Variants in SLC39A14 observed in about 807,000 individuals in gnomAD.
SLC39A14 encodes the protein metal cation symporter ZIP14.
In SLC39A14, 19 loss-of-function variants were observed where a neutral mutation model predicts 45.5. The ratio of observed to expected loss-of-function variants is 0.42; its 90% CI spans 0.29 to 0.61. The LOEUF (loss-of-function observed/expected upper bound fraction) is 0.61, where lower values mean the gene tolerates loss of function less well. Among genes scored for constraint, SLC39A14 ranks in the 20% least tolerant of loss-of-function variants. The probability of loss-of-function intolerance (pLI) is 0.22; values close to 1 mark genes in which losing one functional copy is unlikely to be tolerated. For synonymous variants in SLC39A14, 264 were observed against 251.3 expected, an observed-to-expected ratio of 1.05 and a Z score of -0.48; for missense variants, 447 against 616.5, an observed-to-expected ratio of 0.73 and a Z score of 2.91.
At chr8:22,430,977 A>T (rs1586764476) in intron 8 of SLC39A14, among the ~76,000 whole-genome samples, 2 of 123,466 alleles carry the variant, frequency 1.6e-5, no homozygotes, top group East Asian at 5.1e-4. Flanking sequence ...CCGGTCTGGG[A>T]CTCCCAATTC....
rs1051942787 is a variant in SLC39A14 at position 22,404,408 on chromosome 8, C to T, written c.-15-288C>T. ...CGCCACTGCACTCCAGCCTGGGCAA[C>T]GAGTGAATCTCCCGTCTCAAAAAAA... On this transcript the variant is annotated intron_variant, in intron 1 of 8. Coordinates refer to ENST00000381237, the MANE Select transcript of SLC39A14 (RefSeq NM_001128431.4). 11 of 250,548 alleles carry T rather than the reference C, an allele frequency of 4.4e-5. No homozygotes were observed. In the Admixed American group the frequency reaches 4.4e-4, roughly 10 times the overall value. 15.5% of individuals were successfully genotyped at this position (250,548 alleles called of 1,614,324 possible).
chr8:22,412,017 G>A lies in SLC39A14; in HGVS notation c.458-20G>A, dbSNP rs1267856653. 37 of 1,545,302 alleles carry A rather than the reference G, an allele frequency of 2.4e-5. No homozygotes were observed. Among genetic ancestry groups the A allele is most frequent in the African/African-American group, 4.1e-5 (3 of 72,998 alleles). ...TCTCTCCCTGCCCTGGGTGGGGCTG[G>A]CCCTCCCTCCGCACGGCAGTGTGGG... On this transcript the variant is annotated intron_variant, in intron 3 of 8. Coordinates refer to ENST00000381237, the MANE Select transcript of SLC39A14 (RefSeq NM_001128431.4).
intron 1 of SLC39A14, among the ~76,000 whole-genome samples, chr8:22,380,921 C>T (rs1427557789): frequency 6.6e-6 from 1 of 152,076 alleles, no homozygotes; most frequent in East Asian, 1.9e-4. Context: ...ACACAATCCA[C>T]CCCCTTGGCC....
intron 2 of SLC39A14, 93 bp from the exon 3 acceptor site, chr8:22,408,217 T>G: frequency 8.6e-7 from 1 of 1,158,142 alleles, no homozygotes; most frequent in Non-Finnish European, 1.2e-6. Flanking sequence ...TGTCTTCTCT[T>G]TTTCCTCTGG....
In SLC39A14 at chr8:22,415,903, C is replaced by T. The variant is rs576951128; in HGVS notation, c.885C>T (p.Asp295=). The change falls in exon 6 of 9, where the codon GAC becomes GAT. Residue 295 remains aspartate (D), a synonymous_variant. Transcript: ENST00000381237. ...MIPQHCSSEL[D]GKAPMVDEKV... is the part of the protein sequence containing the mutation. The stretch of plus-strand genomic sequence containing the variant: ...CTCAGCACTGCAGCAGTGAGCTGGA[C>T]GGCAAGGCGCCCATGGTGGACGAGA... 133 of 1,610,708 alleles carry T rather than the reference C, an allele frequency of 8.3e-5. 1 individual carries two copies. The highest frequency in any genetic ancestry group is 4.3e-4 in the African/African-American group (32 of 74,802).
rs140021415 is a variant in SLC39A14, at chr8:22,417,898, T to G, written c.1332+63T>G. Reference sequence around the variant, plus strand: ...AAGGGGATGGATGTTAGGTAGGTAGTTTTTTTTTATTTTTATTTTTTTGAG... The same window carrying G: ...AAGGGGATGGATGTTAGGTAGGTAGGTTTTTTTTATTTTTATTTTTTTGAG... On this transcript the variant is annotated intron_variant, in intron 8 of 8. Coordinates refer to ENST00000381237, the MANE Select transcript of SLC39A14 (RefSeq NM_001128431.4). 13,156 of 1,326,566 alleles carry G rather than the reference T, an allele frequency of 9.9e-3. 90 individuals are homozygous for G. The highest frequency in any genetic ancestry group is 0.017 in the Middle Eastern group (65 of 3,856). 82.2% of individuals were successfully genotyped at this position (1,326,566 alleles called of 1,614,324 possible).
At position 22,421,624 on chromosome 8, in the gene SLC39A14, C is replaced by T; in HGVS notation, c.*1926C>T. ...TTTCTGTTTTATTTTTCTCAAGCTG[C>T]TTTCAGGAGCTAGCAGAAAATAACT... is the stretch of plus-strand genomic sequence containing the variant. On this transcript the variant is annotated 3_prime_UTR_variant, in exon 9 of 9. Transcript: ENST00000381237. 1.0e-6 allele frequency: 1 copy of T among 985,778 alleles called. No individual in the cohort carries two copies. The highest frequency in any genetic ancestry group is 4.7e-5 in the South Asian group (1 of 21,286). The allele number at this position is 985,778 out of a possible 1,614,324, so 61.1% of individuals were successfully genotyped here.
At chr8:22,433,149 T>C (rs1429555681) in intron 8 of SLC39A14, among the ~76,000 whole-genome samples, 1 of 151,904 alleles carries the variant, frequency 6.6e-6, no homozygotes, top group Non-Finnish European at 1.5e-5. Context: ...CCACAGAAAA[T>C]TGGAAAGATA....
chr8:22,368,626 T>C (rs1484349925), intron 1 of SLC39A14, among the ~76,000 whole-genome samples: 1 of 152,072 alleles, frequency 6.6e-6, no homozygotes, highest in Non-Finnish European at 1.5e-5. Context: ...AACCTCCGCC[T>C]CCCGGGTTCA....
At chr8:22,372,431 C>A (rs938968092) in intron 1 of SLC39A14, among the ~76,000 whole-genome samples, 5 of 152,152 alleles carry the variant, frequency 3.3e-5, no homozygotes, top group Admixed American at 6.5e-5. Flanking sequence ...TCTGTCATAG[C>A]TGTGTAGTAT....
Position 22,421,977 on chromosome 8 carries a change from G to GC in SLC39A14, c.*2280dup. 1 of 985,462 alleles carries GC rather than the reference G, an allele frequency of 1.0e-6. No homozygotes were observed. Among genetic ancestry groups the GC allele is most frequent in the Non-Finnish European group, 1.2e-6 (1 of 829,938 alleles). 61.0% of individuals were successfully genotyped at this position (985,462 alleles called of 1,614,324 possible). On this transcript the variant is annotated 3_prime_UTR_variant, in exon 9 of 9. Coordinates refer to ENST00000381237, the MANE Select transcript of SLC39A14 (RefSeq NM_001128431.4). ...GGCGCAGAGGTCAGTCCTAGTCGGA[G>GC]CTTAGGAGGGGCGGAGACGCTCACA...
At chr8:22,399,119 T>C (rs962859437) in intron 1 of SLC39A14, among the ~76,000 whole-genome samples, 5 of 152,086 alleles carry the variant, frequency 3.3e-5, no homozygotes, top group Non-Finnish European at 7.4e-5. Flanking sequence ...CCATCCTTAC[T>C]TGAGGGCAGC....
intron 1 of SLC39A14, among the ~76,000 whole-genome samples, chr8:22,387,819 C>T (rs1188412449): frequency 7.9e-5 from 12 of 152,204 alleles, no homozygotes; most frequent in South Asian, 4.1e-4. Context: ...CACCTGTAGC[C>T]GGGAGCATTG....
In SLC39A14 at chr8:22,422,560, AC is replaced by A; in HGVS notation, c.*2863del. On this transcript the variant is annotated 3_prime_UTR_variant, in exon 9 of 9. Coordinates refer to ENST00000381237, the MANE Select transcript of SLC39A14 (RefSeq NM_001128431.4). The stretch of plus-strand genomic sequence containing the variant: ...CCCTTTACAGTTCTGCAGTTCCATC[AC>A]AGTATTTTTTTAAATAACTCAGGTG... The A allele has an allele frequency of 1.0e-6, 1 of 985,294 alleles. No individual in the cohort carries two copies. 61.0% of individuals were successfully genotyped at this position (985,294 alleles called of 1,614,324 possible).
chr8:22,419,745 C>T lies in SLC39A14; in HGVS notation c.*47C>T. ...GACTGGAAGTCGGGCCCTGGGCTGC[C>T]CGATCGCCAGCCCGAGGACTTACCA... On this transcript the variant is annotated 3_prime_UTR_variant, in exon 9 of 9. Coordinates refer to ENST00000381237, the MANE Select transcript of SLC39A14 (RefSeq NM_001128431.4). 1 of 1,524,448 alleles carries T rather than the reference C, an allele frequency of 6.6e-7. No homozygotes were observed. Among genetic ancestry groups the T allele is most frequent in the Non-Finnish European group, 8.8e-7 (1 of 1,137,366 alleles). The allele number at this position is 1,524,448 out of a possible 1,614,324, so 94.4% of individuals were successfully genotyped here.
chr8:22,427,524 A>C (rs78170855), downstream of SLC39A14, among the ~76,000 whole-genome samples: 2 of 151,716 alleles, frequency 1.3e-5, no homozygotes, highest in African/African-American at 4.8e-5. Context: ...AAAAAAAAAA[A>C]CCTCTTTGAT....
At chr8:22,429,169 G>A (rs1463936235) in intron 8 of SLC39A14, among the ~76,000 whole-genome samples, 2 of 152,164 alleles carry the variant, frequency 1.3e-5, no homozygotes, top group Non-Finnish European at 2.9e-5. Context: ...CTACTCGGGA[G>A]GCTGAGGCAG....
intron 7 of SLC39A14, among the ~76,000 whole-genome samples, chr8:22,416,558 G>A (rs1835895033): frequency 6.6e-6 from 1 of 151,814 alleles, no homozygotes; most frequent in African/African-American, 2.4e-5. Flanking sequence ...CCAAGTAGCT[G>A]GGATTACAGA....
Position 22,419,616 on chromosome 8 carries a change from T to C in SLC39A14, c.1397T>C (p.Ile466Thr), listed in dbSNP as rs761878610. Residue 466 changes from isoleucine (I) to threonine (T), a missense_variant, in exon 9 of 9, where the codon ATC (isoleucine) becomes ACC (threonine). This residue lies in a region of SLC39A14 where 105 missense variants were observed against 188.4 expected (regional missense o/e 0.56). Coordinates refer to ENST00000381237, the MANE Select transcript of SLC39A14 (RefSeq NM_001128431.4). Reference protein sequence around the residue: ...ERKGSILIPFIIQNLGLLTGF... With the variant: ...ERKGSILIPFTIQNLGLLTGF... ...AAGGGCAGCATCTTGATTCCATTTA[T>C]CATCCAGAACCTGGGCCTCCTGACT... is the stretch of plus-strand genomic sequence containing the variant. 4 of 1,614,072 alleles carry C rather than the reference T, an allele frequency of 2.5e-6. No individual in the cohort carries two copies. The African/African-American group carries it at 4.0e-5, about 16-fold the overall frequency.
Sources: gnomAD v4.1 joint callset for allele counts (sites outside exome capture counted in the v4.1 genomes callset) on GRCh38, gnomAD v4.1.1 for gene constraint, gnomAD v4.1.1 regional missense constraint, MANE v1.5 for transcripts, NCBI Gene and HGNC (gene_info 2026-07-23, HGNC 2026-07-21) for gene names.